Variants in SMPD3 observed in about 807,000 individuals in gnomAD.
The protein encoded by SMPD3 is sphingomyelin phosphodiesterase 3.
A neutral mutation model predicts 55.7 loss-of-function variants in SMPD3; 21 were observed. That is an observed-to-expected ratio of 0.38 (90% CI 0.27 to 0.54). The LOEUF is 0.54. Among genes scored for constraint, SMPD3 ranks in the 20% least tolerant of loss-of-function variants. The pLI is 0.80. For synonymous variants in SMPD3, 457 were observed against 404.3 expected, an observed-to-expected ratio of 1.13 and a Z score of -1.56; for missense variants, 842 against 899.6, an observed-to-expected ratio of 0.94 and a Z score of 0.82.
rs1377620972 is a variant in SMPD3, at chr16:68,359,349, G to T, written c.*1857C>A. 1 of 152,436 alleles carries T rather than the reference G, an allele frequency of 6.6e-6. No homozygotes were observed. Among genetic ancestry groups the T allele is most frequent in the East Asian group, 1.9e-4 (1 of 5,272 alleles). The allele number at this position is 152,436 out of a possible 1,614,324, so 9.4% of individuals were successfully genotyped here. A position where few individuals can be genotyped will look rare whatever the true frequency, so the allele number is the denominator to read the frequency against. On this transcript the variant is annotated 3_prime_UTR_variant, in exon 9 of 9. Transcript: ENST00000219334. ...GGTGGGCCGGGCAGAGAGCCCAGCA[G>T]GATGCTCGCCCTCAGCAGCCCCTTC...
At position 68,371,633 on chromosome 16, in the gene SMPD3, G is replaced by A. The variant is rs1275741820; in HGVS notation, c.549C>T (p.Ser183=). The A allele has an allele frequency of 1.3e-6, 2 of 1,564,206 alleles. No homozygotes were observed. The highest frequency in any genetic ancestry group is 8.6e-7 in the Non-Finnish European group (1 of 1,156,318). The part of the protein sequence containing the change: ...SPTNTSISAA[S]FSSLVSPQGG... ...CCTGTGGTGACACCAGGCTGCTGAA[G>A]CTAGCGGCGCTGATGGAGGTATTGG... The change falls in exon 3 of 9, where the codon AGC becomes AGT. Residue 183 remains serine, a synonymous_variant. Coordinates refer to ENST00000219334, the MANE Select transcript of SMPD3 (RefSeq NM_018667.4).
intron 8 of SMPD3, 104 bp from the exon 9 acceptor site, chr16:68,361,411 G>A: frequency 7.2e-7 from 1 of 1,388,130 alleles, no homozygotes; most frequent in African/African-American, 1.4e-5. Context: ...GGCTGGGGTG[G>A]GCTGGGACCT....
chr16:68,400,603 G>A (rs542169204), intron 1 of SMPD3, among the ~76,000 whole-genome samples: 18 of 152,178 alleles, frequency 1.2e-4, no homozygotes, highest in Non-Finnish European at 2.4e-4. Flanking sequence ...TGGAAGAGAT[G>A]AACTTTTTTA....
chr16:68,434,193 A>C (rs1044384778), intron 1 of SMPD3, among the ~76,000 whole-genome samples: 4 of 152,030 alleles, frequency 2.6e-5, no homozygotes, highest in African/African-American at 9.7e-5. Context: ...TCATTATATT[A>C]CTCCTTTCCG....
At chr16:68,431,670 C>T (rs2863258) in intron 1 of SMPD3, among the ~76,000 whole-genome samples, 112,044 of 152,126 alleles carry the variant, frequency 0.74, 42,059 homozygotes, top group East Asian at 0.88. Flanking sequence ...GCCTGTAATC[C>T]CAACACTTTG....
intron 1 of SMPD3, among the ~76,000 whole-genome samples, chr16:68,409,260 G>C (rs1445915702): frequency 6.6e-6 from 1 of 152,210 alleles, no homozygotes; most frequent in Non-Finnish European, 1.5e-5. Flanking sequence ...GGCCCCAGCA[G>C]AGAGTGCCTT....
chr16:68,420,270 A>AT (rs1822950922), intron 1 of SMPD3, among the ~76,000 whole-genome samples: 1 of 152,150 alleles, frequency 6.6e-6, no homozygotes, highest in Admixed American at 6.5e-5. Flanking sequence ...TATCATTACT[A>AT]TAGGCACCTT....
At chr16:68,406,490 C>G (rs1210331354) in intron 1 of SMPD3, among the ~76,000 whole-genome samples, 1 of 152,192 alleles carries the variant, frequency 6.6e-6, no homozygotes, top group Non-Finnish European at 1.5e-5. Flanking sequence ...GTGTCCAGCC[C>G]TCTGAAGGCC....
rs368928348 is a variant in SMPD3 at position 68,360,250 on chromosome 16, G to C, written c.*956C>G. 5.2e-5 allele frequency: 8 copies of C among 152,584 alleles called. No homozygotes were observed. The highest frequency in any genetic ancestry group is 1.4e-4 in the African/African-American group (6 of 41,590). The allele number at this position is 152,584 out of a possible 1,614,324, so 9.5% of individuals were successfully genotyped here. A position where few individuals can be genotyped will look rare whatever the true frequency, so the allele number is the denominator to read the frequency against. On this transcript the variant is annotated 3_prime_UTR_variant, in exon 9 of 9. Coordinates refer to ENST00000219334, the MANE Select transcript of SMPD3 (RefSeq NM_018667.4). ...GGGGAGAGGATTGGCAGAAAGAAGA[G>C]GATGTGTTGGTTTTGATAGAAGAGA...
chr16:68,359,334 GC>G lies in SMPD3; in HGVS notation c.*1871del, dbSNP rs1330861764. The G allele has an allele frequency of 6.6e-6, 1 of 152,406 alleles. No homozygotes were observed. The highest frequency in any genetic ancestry group is 1.5e-5 in the Non-Finnish European group (1 of 68,128). 9.4% of individuals were successfully genotyped at this position (152,406 alleles called of 1,614,324 possible). On this transcript the variant is annotated 3_prime_UTR_variant, in exon 9 of 9. Coordinates refer to ENST00000219334, the MANE Select transcript of SMPD3 (RefSeq NM_018667.4). ...CCAGCCCCTTGGAGGGGTGGGCCGG[GC>G]AGAGAGCCCAGCAGGATGCTCGCCC...
chr16:68,365,896 C>G (rs2089464917), intron 3 of SMPD3, among the ~76,000 whole-genome samples: 1 of 152,192 alleles, frequency 6.6e-6, no homozygotes, highest in Admixed American at 6.5e-5. Context: ...TGCCCTACCC[C>G]AGGTGGGGGC....
chr16:68,398,305 CAAAT>C (rs1432763453), intron 1 of SMPD3, among the ~76,000 whole-genome samples: 2 of 152,182 alleles, frequency 1.3e-5, no homozygotes, highest in African/African-American at 4.8e-5. Context: ...ATGTAGTTCT[CAAAT>C]AACCTTACTT....
Position 68,370,989 on chromosome 16 carries a change from C to T in SMPD3, c.1193G>A (p.Cys398Tyr), listed in dbSNP as rs1201293438. 2 of 1,614,048 alleles carry T rather than the reference C, an allele frequency of 1.2e-6. No individual in the cohort carries two copies. The highest frequency in any genetic ancestry group is 1.7e-6 in the Non-Finnish European group (2 of 1,180,022). ...GCCGCTGTTGAGACACTTGAAGCTG[C>T]AGCAGCCCTGGCAGCCGTAGACCCC... ...DVGVYGCQGC[C>Y]SFKCLNSGLL... Residue 398 changes from cysteine to tyrosine, a missense_variant, in exon 3 of 9, where the codon TGC becomes TAC. Physicochemically the swap from Cys to Tyr is radical, Grantham distance 194. Transcript: ENST00000219334.
chr16:68,373,975 C>T (rs1186954576), intron 2 of SMPD3, among the ~76,000 whole-genome samples: 1 of 152,256 alleles, frequency 6.6e-6, no homozygotes, highest in Non-Finnish European at 1.5e-5. Context: ...GGACCCCTTG[C>T]CCCGGTGGCT....
rs535215930 is a variant in SMPD3 at position 68,372,236 on chromosome 16, C to T, written c.-55G>A. On this transcript the variant is annotated 5_prime_UTR_variant, in exon 3 of 9. Coordinates refer to ENST00000219334, the MANE Select transcript of SMPD3 (RefSeq NM_018667.4). ...TACTACATGGTGTCCGTGGCAGCTG[C>T]GGGCACTTTCCTGGGCGAGGGTGGG... The T allele has an allele frequency of 3.3e-4, 527 of 1,583,054 alleles. No individual in the cohort carries two copies. Among genetic ancestry groups the T allele is most frequent in the Non-Finnish European group, 3.8e-4 (447 of 1,166,018 alleles).
intron 1 of SMPD3, among the ~76,000 whole-genome samples, chr16:68,413,424 G>T (rs2090316993): frequency 1.3e-5 from 2 of 152,222 alleles, no homozygotes; most frequent in African/African-American, 4.8e-5. Flanking sequence ...GGCTCACCTG[G>T]AAGATAGTTT....
chr16:68,384,575 T>TTG (rs1265925533), intron 2 of SMPD3, among the ~76,000 whole-genome samples: 2 of 152,046 alleles, frequency 1.3e-5, no homozygotes, highest in Admixed American at 6.5e-5. Flanking sequence ...AGGGACGGCC[T>TTG]TGTGTGTGTG....
At chr16:68,405,566 A>T (rs945290365) in intron 1 of SMPD3, among the ~76,000 whole-genome samples, 2 of 150,794 alleles carry the variant, frequency 1.3e-5, no homozygotes, top group African/African-American at 2.4e-5. Flanking sequence ...AAAAAAAAAA[A>T]AGAAAAGAAA....
rs1488191445 is a variant in SMPD3, at chr16:68,358,736, G to A, written c.*2470C>T. On this transcript the variant is annotated 3_prime_UTR_variant, in exon 9 of 9. Coordinates refer to ENST00000219334, the MANE Select transcript of SMPD3 (RefSeq NM_018667.4). ...GGCTTCCTTTGAGACTGGGCCTAGG[G>A]CAGGAACAGAGTCTTGGTATGGGCC... is the stretch of plus-strand genomic sequence containing the variant. The A allele has an allele frequency of 1.3e-5, 2 of 152,536 alleles. No individual in the cohort carries two copies. Among genetic ancestry groups the A allele is most frequent in the Non-Finnish European group, 2.9e-5 (2 of 68,048 alleles). The allele number at this position is 152,536 out of a possible 1,614,324, so 9.4% of individuals were successfully genotyped here.
Sources: allele counts gnomAD v4.1 joint callset (sites outside exome capture counted in the v4.1 genomes callset), GRCh38; gene constraint gnomAD v4.1.1; transcripts MANE v1.5; gene names NCBI Gene and HGNC (gene_info 2026-07-23, HGNC 2026-07-21).